FSTL4: variants seen among roughly 807,000 people sequenced by gnomAD.
The protein encoded by FSTL4 is follistatin-related protein 4.
Under a neutral mutation model 78.2 loss-of-function variants are expected in FSTL4, and 28 were observed. That is an observed-to-expected ratio of 0.36 (90% confidence interval 0.27 to 0.49). The LOEUF (loss-of-function observed/expected upper bound fraction) is 0.49, where lower values mean the gene tolerates loss of function less well. Among genes scored for constraint, FSTL4 ranks in the 20% least tolerant of loss-of-function variants. The pLI is 0.98. For missense variants in FSTL4, 922 were observed against 1,084.9 expected (o/e 0.85, Z 2.11); for synonymous variants, 422 against 440.5 (o/e 0.96, Z 0.53).
At chr5:133,642,514 C>T in the FSTL4 span, among the ~76,000 whole-genome samples, 9 of 152,172 alleles carry the variant, frequency 5.9e-5, no homozygotes, top group African/African-American at 2.2e-4. Context: ...ATCCATGATA[C>T]ATGATCCTTA....
the FSTL4 span, among the ~76,000 whole-genome samples, chr5:133,689,796 T>C: frequency 6.6e-6 from 1 of 152,168 alleles, no homozygotes; most frequent in Non-Finnish European, 1.5e-5. Flanking sequence ...GCACGGTGGC[T>C]CACGCCTGTA....
At chr5:133,482,365 T>C (rs141222886) in intron 3 of FSTL4, among the ~76,000 whole-genome samples, 35 of 152,220 alleles carry the variant, frequency 2.3e-4, no homozygotes, top group African/African-American at 8.2e-4. Context: ...ACTGAAACAA[T>C]AGGAGAATCT....
In FSTL4 at chr5:133,233,553, A is replaced by G; in HGVS notation, c.895-16T>C. On this transcript the variant is annotated splice_polypyrimidine_tract_variant and intron_variant, in intron 7 of 15. Coordinates refer to ENST00000265342, the MANE Select transcript of FSTL4 (RefSeq NM_015082.2). ...CTCCAAAGTCCTGCACAGGGCAAAG[A>G]TGACGATGAGACTGGCCTCTTTATT... 1 of 1,583,788 alleles carries G rather than the reference A, an allele frequency of 6.3e-7. No homozygotes were observed. Among genetic ancestry groups the G allele is most frequent in the Non-Finnish European group, 8.5e-7 (1 of 1,170,268 alleles).
chr5:133,775,420 G>A, the FSTL4 span, among the ~76,000 whole-genome samples: 1 of 152,190 alleles, frequency 6.6e-6, no homozygotes, highest in Non-Finnish European at 1.5e-5. Context: ...TAGAGATGCT[G>A]TAAACACACT....
chr5:133,349,945 T>G (rs1275749413), intron 4 of FSTL4, among the ~76,000 whole-genome samples: 1 of 140,330 alleles, frequency 7.1e-6, no homozygotes, highest in Non-Finnish European at 1.5e-5. Context: ...AAAGGACCCA[T>G]AGGATGGACT....
At chr5:133,791,078 C>T in the FSTL4 span, among the ~76,000 whole-genome samples, 1 of 152,204 alleles carries the variant, frequency 6.6e-6, no homozygotes, top group South Asian at 2.1e-4. Flanking sequence ...GCCACACTGC[C>T]TCCTTGCTGG....
intron 7 of FSTL4, 113 bp downstream of exon 7, chr5:133,249,297 A>C: frequency 1.2e-6 from 1 of 828,474 alleles, no homozygotes; most frequent in Non-Finnish European, 2.0e-6. Flanking sequence ...AAAGCACCAA[A>C]CACAGGATGT....
intron 4 of FSTL4, among the ~76,000 whole-genome samples, chr5:133,375,291 C>CATATATATATAT (rs3975738): frequency 0.011 from 660 of 57,910 alleles, 48 homozygotes; most frequent in African/African-American, 0.02. Flanking sequence ...GTGTGCATGG[C>CATATATATATAT]ATATATATAT....
At chr5:133,605,486 T>C (rs1760957736) in intron 1 of FSTL4, among the ~76,000 whole-genome samples, 1 of 152,190 alleles carries the variant, frequency 6.6e-6, no homozygotes, top group African/African-American at 2.4e-5. Flanking sequence ...GTGGAAGTTG[T>C]CACATAGTCA....
At chr5:133,223,790 G>A (rs995212033) in intron 11 of FSTL4, among the ~76,000 whole-genome samples, 14 of 151,960 alleles carry the variant, frequency 9.2e-5, no homozygotes, top group African/African-American at 3.4e-4. Context: ...CTCAATCAAA[G>A]CATATTTAAG....
intron 7 of FSTL4, among the ~76,000 whole-genome samples, chr5:133,239,312 GT>G (rs950327024): frequency 1.3e-5 from 2 of 151,194 alleles, no homozygotes; most frequent in Non-Finnish European, 2.9e-5. Context: ...AGGGCGCCCA[GT>G]CCCATCAACC....
the FSTL4 span, among the ~76,000 whole-genome samples, chr5:133,770,112 C>T: frequency 6.6e-6 from 1 of 151,734 alleles, no homozygotes; most frequent in African/African-American, 2.4e-5. Context: ...GTGTGTATAA[C>T]ATTTTCTTTA....
chr5:133,801,247 C>T, the FSTL4 span, among the ~76,000 whole-genome samples: 1 of 152,194 alleles, frequency 6.6e-6, no homozygotes, highest in African/African-American at 2.4e-5. Flanking sequence ...GTCTCCAGCC[C>T]AGACCCAGAG....
intron 3 of FSTL4, among the ~76,000 whole-genome samples, chr5:133,560,843 T>C (rs762846691): frequency 5.3e-5 from 8 of 151,154 alleles, no homozygotes; most frequent in Non-Finnish European, 1.0e-4. Flanking sequence ...TCCCAGCACT[T>C]TGGGAGGCTG....
intron 6 of FSTL4, among the ~76,000 whole-genome samples, chr5:133,255,310 G>A (rs1035725033): frequency 6.6e-6 from 1 of 152,234 alleles, no homozygotes. Flanking sequence ...AGAAGTCTGT[G>A]CCCACAGAGG....
At chr5:133,638,818 C>CTT in the FSTL4 span, among the ~76,000 whole-genome samples, 3 of 151,750 alleles carry the variant, frequency 2.0e-5, no homozygotes, top group East Asian at 5.8e-4. Context: ...TTGTAAATTA[C>CTT]TTTTTTTTCA....
At chr5:133,837,798 A>T in the FSTL4 span, among the ~76,000 whole-genome samples, 1 of 152,192 alleles carries the variant, frequency 6.6e-6, no homozygotes, top group South Asian at 2.1e-4. Flanking sequence ...TCAGCCTCTC[A>T]GCAGCTGCAT....
At chr5:133,744,174 A>T in the FSTL4 span, among the ~76,000 whole-genome samples, 1 of 152,196 alleles carries the variant, frequency 6.6e-6, no homozygotes, top group Non-Finnish European at 1.5e-5. Context: ...GTCACCTGCA[A>T]CCCAAAGATT....
chr5:133,753,369 G>A, the FSTL4 span, among the ~76,000 whole-genome samples: 329 of 152,268 alleles, frequency 2.2e-3, 3 homozygotes, highest in African/African-American at 7.3e-3. Context: ...CTTCTACTCA[G>A]TGACTTAACA....
Sources: gnomAD v4.1 joint callset for allele counts (sites outside exome capture counted in the v4.1 genomes callset) on GRCh38, gnomAD v4.1.1 for gene constraint, MANE v1.5 for transcripts, NCBI Gene and HGNC (gene_info 2026-07-23, HGNC 2026-07-21) for gene names.